Variants in WDFY3 observed in about 807,000 individuals in gnomAD.
WDFY3 encodes WD repeat and FYVE domain-containing protein 3.
A neutral mutation model predicts 409.6 loss-of-function variants in WDFY3; 66 were observed. The ratio of observed to expected loss-of-function variants is 0.16; its 90% CI spans 0.13 to 0.20. The LOEUF is 0.20. Among genes scored for constraint, WDFY3 ranks in the 10% least tolerant of loss-of-function variants. WDFY3 has a pLI of 1.00. For synonymous variants in WDFY3, 1,521 were observed against 1,537.1 expected (o/e 0.99, Z 0.25); for missense variants, 3,031 against 4,298.1 (o/e 0.71, Z 8.24).
At chr4:84,780,023 A>T in intron 26 of WDFY3, 85 bp downstream of exon 26, 3 of 1,363,848 alleles carry the variant, frequency 2.2e-6, no homozygotes, top group African/African-American at 1.5e-5. Context: ...ATTCTTCCAG[A>T]GTTTCAAACA....
intron 1 of WDFY3, among the ~76,000 whole-genome samples, chr4:84,934,887 T>C (rs1231347820): frequency 1.3e-5 from 2 of 152,144 alleles, no homozygotes; most frequent in Admixed American, 6.6e-5. Flanking sequence ...TTAAACAGTA[T>C]ATCACATAGG....
At chr4:84,753,957 T>C (rs1385843188) in intron 34 of WDFY3, 81 bp from the exon 35 acceptor site, 29 of 1,377,866 alleles carry the variant, frequency 2.1e-5, no homozygotes, top group African/African-American at 2.9e-5. Context: ...CATTACTCAG[T>C]ATTCTTATGA....
intron 64 of WDFY3, 48 bp downstream of exon 64, chr4:84,682,326 A>G: frequency 6.4e-7 from 1 of 1,567,268 alleles, no homozygotes; most frequent in East Asian, 2.2e-5. Flanking sequence ...CAGTGACTTA[A>G]AAGAAATATG....
intron 1 of WDFY3, among the ~76,000 whole-genome samples, chr4:84,942,808 C>A (rs1304346680): frequency 6.6e-6 from 1 of 152,134 alleles, no homozygotes; most frequent in Non-Finnish European, 1.5e-5. Flanking sequence ...TATTCTGGTT[C>A]ATATCCTTTG....
intron 6 of WDFY3, among the ~76,000 whole-genome samples, chr4:84,839,807 G>A (rs1003868807): frequency 1.3e-5 from 2 of 151,708 alleles, no homozygotes; most frequent in East Asian, 1.9e-4. Flanking sequence ...GCAGTGAGCC[G>A]AGGCCGCACC....
At chr4:84,835,683 CAG>C (rs2149978593) in intron 7 of WDFY3, among the ~76,000 whole-genome samples, 1 of 152,302 alleles carries the variant, frequency 6.6e-6, no homozygotes, top group East Asian at 1.9e-4. Flanking sequence ...CTCTACCAAA[CAG>C]AGTCATCCTT....
chr4:84,957,258 C>CAAAAAAA (rs149018066), intron 1 of WDFY3, among the ~76,000 whole-genome samples: 3 of 59,366 alleles, frequency 5.1e-5, no homozygotes, highest in Non-Finnish European at 1.1e-4. Flanking sequence ...TTTCATATAC[C>CAAAAAAA]AAAAAAAAAA....
chr4:84,843,948 A>G (rs1388669592), intron 5 of WDFY3, among the ~76,000 whole-genome samples: 1 of 152,194 alleles, frequency 6.6e-6, no homozygotes, highest in Non-Finnish European at 1.5e-5. Context: ...TTAAGAGTTA[A>G]TGAAAGAATA....
At chr4:84,861,047 C>T (rs1473509918) in intron 3 of WDFY3, among the ~76,000 whole-genome samples, 3 of 152,018 alleles carry the variant, frequency 2.0e-5, no homozygotes, top group African/African-American at 7.2e-5. Context: ...CCTGTCTCTA[C>T]TAAAAATACA....
At chr4:84,930,899 G>A (rs754363216) in intron 2 of WDFY3, among the ~76,000 whole-genome samples, 4 of 151,956 alleles carry the variant, frequency 2.6e-5, no homozygotes, top group East Asian at 1.9e-4. Context: ...CACCCTCCAC[G>A]GTTCATTACC....
At chr4:84,756,799 C>T in intron 33 of WDFY3, 127 bp downstream of exon 33, 4 of 1,145,506 alleles carry the variant, frequency 3.5e-6, no homozygotes, top group Non-Finnish European at 3.7e-6. Context: ...TTTTTCTGTC[C>T]CAAATCAAAC....
intron 1 of WDFY3, among the ~76,000 whole-genome samples, chr4:84,960,153 G>C (rs904806410): frequency 3.7e-4 from 57 of 152,158 alleles, no homozygotes; most frequent in African/African-American, 1.3e-3. Flanking sequence ...TTAGAGGCCT[G>C]TTATTTGAAA....
intron 47 of WDFY3, 71 bp from the exon 48 acceptor site, chr4:84,718,641 G>A (rs1734354798): frequency 1.2e-5 from 19 of 1,533,134 alleles, no homozygotes; most frequent in Admixed American, 1.9e-5. Context: ...AGACTACTAC[G>A]GCATCCCTAG....
At chr4:84,842,745 C>A (rs1050402518) in intron 5 of WDFY3, among the ~76,000 whole-genome samples, 1 of 152,222 alleles carries the variant, frequency 6.6e-6, no homozygotes, top group Non-Finnish European at 1.5e-5. Flanking sequence ...CACACCACTG[C>A]ACTCCAGCCT....
chr4:84,810,208 T>C lies in WDFY3; in HGVS notation c.2024A>G (p.Lys675Arg). 6.2e-7 allele frequency: 1 copy of C among 1,614,150 alleles called. No individual in the cohort carries two copies. The highest frequency in any genetic ancestry group is 8.5e-7 in the Non-Finnish European group (1 of 1,180,002). Residue 675 changes from lysine to arginine, a missense_variant, in exon 14 of 68, where the codon AAA becomes AGA. By Grantham distance (26) the Lys-to-Arg change is conservative (BLOSUM62 2). Around this residue, in one of 16 missense-constraint regions of WDFY3, gnomAD observed 1,322 missense variants for 1,697.9 expected, o/e 0.78. Transcript: ENST00000295888. ...TTCAAACACTTGATTCTGGTTCACT[T>C]TCTCCCAGCCATTCTTGGGTGGACA... ...LSCPPKNGWE[K>R]VNQNQVFELL...
Position 84,966,576 on chromosome 4 carries a change from C to G in WDFY3, c.-593G>C, listed in dbSNP as rs1336087981. 5.9e-5 allele frequency among the ~76,000 whole-genome samples: 9 copies of G among 152,076 alleles called. No homozygotes were observed. Among genetic ancestry groups the G allele is most frequent in the Non-Finnish European group, 1.5e-5 (1 of 67,988 alleles). On this transcript the variant is annotated 5_prime_UTR_variant, in exon 1 of 68. Coordinates refer to ENST00000295888, the MANE Select transcript of WDFY3 (RefSeq NM_014991.6). ...TTTCTTCTCTCCATCAAGGCCGGGC[C>G]GACCCGCAGGGACCATCCCGGAAAG...
At chr4:84,907,832 G>C (rs189061591) in intron 2 of WDFY3, among the ~76,000 whole-genome samples, 56 of 152,236 alleles carry the variant, frequency 3.7e-4, no homozygotes, top group African/African-American at 1.3e-3. Flanking sequence ...GAGGATAGAG[G>C]ATAGTATAGC....
At chr4:84,902,646 A>T (rs1358847997) in intron 2 of WDFY3, among the ~76,000 whole-genome samples, 2 of 152,218 alleles carry the variant, frequency 1.3e-5, no homozygotes. Flanking sequence ...CAAAGTCCCT[A>T]GCATTTTGTG....
At chr4:84,828,176 T>C (rs568794140) in intron 9 of WDFY3, among the ~76,000 whole-genome samples, 142 of 152,222 alleles carry the variant, frequency 9.3e-4, no homozygotes, top group Admixed American at 1.8e-3. Context: ...GATTTAAAAA[T>C]AATTAATGGC....
Sources: gnomAD v4.1 joint callset for allele counts (sites outside exome capture counted in the v4.1 genomes callset) on GRCh38, gnomAD v4.1.1 for gene constraint, gnomAD v4.1.1 regional missense constraint, MANE v1.5 for transcripts, NCBI Gene and HGNC (gene_info 2026-07-23, HGNC 2026-07-21) for gene names.